CIT: variants seen among roughly 807,000 people sequenced by gnomAD.
The protein encoded by CIT is citron Rho-interacting kinase.
A neutral mutation model predicts 272.7 loss-of-function variants in CIT; 79 were observed. The observed-to-expected ratio is 0.29, with a 90% CI of 0.24 to 0.35. The LOEUF (loss-of-function observed/expected upper bound fraction) is 0.35, where lower values mean the gene tolerates loss of function less well. Ranked by LOEUF, CIT falls within the 10% of genes least tolerant of loss-of-function variation. The pLI, the probability that CIT is intolerant of heterozygous loss-of-function variation, is 1.00. For missense variants in CIT, 1,909 were observed against 2,618.3 expected, an observed-to-expected ratio of 0.73 and a Z score of 5.91; for synonymous variants, 948 against 995.6, an observed-to-expected ratio of 0.95 and a Z score of 0.90.
intron 26 of CIT, among the ~76,000 whole-genome samples, chr12:119,731,545 A>G (rs1234513501): frequency 4.6e-5 from 7 of 151,664 alleles, no homozygotes; most frequent in African/African-American, 1.7e-4. Context: ...AAATAATGCT[A>G]AAGAATAGAA....
intron 22 of CIT, among the ~76,000 whole-genome samples, chr12:119,753,749 A>C (rs1481558971): frequency 1.3e-5 from 2 of 151,740 alleles, no homozygotes; most frequent in African/African-American, 4.8e-5. Context: ...AAAAAAAAAA[A>C]GAAAAGAAAA....
intron 7 of CIT, among the ~76,000 whole-genome samples, chr12:119,828,098 T>A (rs190832288): frequency 8.5e-5 from 13 of 152,282 alleles, no homozygotes; most frequent in African/African-American, 3.1e-4. Context: ...ATAAGACTTA[T>A]CAAAGAAAGA....
chr12:119,850,169 C>T lies in CIT; in HGVS notation c.516+5G>A. The T allele has an allele frequency of 6.4e-7, 1 of 1,550,576 alleles. No individual in the cohort carries two copies. Among genetic ancestry groups the T allele is most frequent in the Non-Finnish European group, 8.9e-7 (1 of 1,122,324 alleles). ...AATTCCAGAGAGACAGATGTAAAGA[C>T]TCACCAGATAAAGGTGATTTTTGTC... On this transcript the variant is annotated splice_donor_5th_base_variant and intron_variant, in intron 5 of 47. Transcript: ENST00000392521.
chr12:119,847,866 G>A (rs1196614778), intron 5 of CIT, among the ~76,000 whole-genome samples: 1 of 152,154 alleles, frequency 6.6e-6, no homozygotes, highest in Non-Finnish European at 1.5e-5. Flanking sequence ...ACTCCAGCCT[G>A]GGTAACACTA....
At chr12:119,706,810 G>A (rs760572739) in intron 40 of CIT, among the ~76,000 whole-genome samples, 2 of 152,142 alleles carry the variant, frequency 1.3e-5, no homozygotes, top group Non-Finnish European at 2.9e-5. Context: ...CCCAGTAATG[G>A]GATTGCTGGG....
intron 3 of CIT, among the ~76,000 whole-genome samples, chr12:119,866,621 C>T (rs1950523174): frequency 6.6e-6 from 1 of 151,946 alleles, no homozygotes; most frequent in Non-Finnish European, 1.5e-5. Context: ...GAGTTCAAGA[C>T]CAGCCTAGGC....
intron 9 of CIT, among the ~76,000 whole-genome samples, chr12:119,806,980 A>C (rs1472847438): frequency 6.6e-6 from 1 of 152,232 alleles, no homozygotes; most frequent in Non-Finnish European, 1.5e-5. Context: ...AGAGAAACTT[A>C]GTGAACTAGC....
Position 119,710,173 on chromosome 12 carries a change from T to A in CIT, c.5071+78A>T. ...CGGCTCCTCTCTACTATTTTGTGTT[T>A]TACGAGCATGAAACGTGGCTTCAAC... On this transcript the variant is annotated intron_variant, in intron 39 of 47. Coordinates refer to ENST00000392521, the MANE Select transcript of CIT (RefSeq NM_001206999.2). This position sits in a 1 kb window ranked among gnomAD's most constrained non-coding sequence, Gnocchi z 5.6. 6.6e-7 allele frequency: 1 copy of A among 1,516,212 alleles called. No individual in the cohort carries two copies. The highest frequency in any genetic ancestry group is 1.9e-5 in the Admixed American group (1 of 51,528). 93.9% of individuals were successfully genotyped at this position (1,516,212 alleles called of 1,614,324 possible).
At chr12:119,874,981 T>C (rs554739581) in intron 2 of CIT, among the ~76,000 whole-genome samples, 1 of 152,308 alleles carries the variant, frequency 6.6e-6, no homozygotes, top group South Asian at 2.1e-4. Flanking sequence ...AAAGCATCTT[T>C]GTTCATTTAT....
chr12:119,698,051 T>A lies in CIT; in HGVS notation c.5627A>T (p.Tyr1876Phe), dbSNP rs762315082. 6.2e-7 allele frequency: 1 copy of A among 1,614,108 alleles called. No individual in the cohort carries two copies. Among genetic ancestry groups the A allele is most frequent in the East Asian group, 2.2e-5 (1 of 44,886 alleles). The change falls in exon 45 of 48, where the codon TAC (tyrosine) becomes TTC (phenylalanine). Residue 1876 changes from tyrosine (Y) to phenylalanine (F), a missense_variant. Transcript: ENST00000392521. ...GGTCACAAACAGATAGGGTTCTCTG[T>A]AGGCTGTGTGATCACCATGCAGGCA... The part of the protein sequence containing the change: ...KWSRLPLAFA[Y>F]REPYLFVTHF...
chr12:119,776,897 C>G (rs1471999972), intron 13 of CIT, 55 bp from the exon 14 acceptor site: 62 of 1,569,078 alleles, frequency 4.0e-5, no homozygotes, highest in Non-Finnish European at 5.3e-5. Flanking sequence ...AAAGAATAGA[C>G]AGGCAGTGAG....
intron 40 of CIT, among the ~76,000 whole-genome samples, chr12:119,705,561 C>A (rs1016589906): frequency 1.3e-5 from 2 of 152,042 alleles, no homozygotes; most frequent in African/African-American, 4.8e-5. Flanking sequence ...ATGTTCCATA[C>A]ATTTTTTGAA....
intron 5 of CIT, among the ~76,000 whole-genome samples, chr12:119,838,365 G>A (rs148105985): frequency 2.0e-3 from 309 of 152,218 alleles, no homozygotes; most frequent in African/African-American, 6.9e-3. Flanking sequence ...GAGCCACTGC[G>A]CCCGGCAAGA....
At chr12:119,704,921 C>G (rs553332422) in intron 40 of CIT, among the ~76,000 whole-genome samples, 3 of 152,262 alleles carry the variant, frequency 2.0e-5, no homozygotes, top group African/African-American at 7.2e-5. Flanking sequence ...GAGAAAATTT[C>G]TTTTCTTCTG....
intron 29 of CIT, among the ~76,000 whole-genome samples, chr12:119,720,797 G>C (rs1231375634): frequency 6.6e-6 from 1 of 152,078 alleles, no homozygotes; most frequent in South Asian, 2.1e-4. Context: ...AGTAAAAATA[G>C]CAACAGGTTC....
At chr12:119,874,886 A>C (rs1352055158) in intron 2 of CIT, among the ~76,000 whole-genome samples, 11 of 127,538 alleles carry the variant, frequency 8.6e-5, no homozygotes, top group Non-Finnish European at 1.6e-4. Context: ...ACTCTGTCTC[A>C]AAAAAAAAAA....
At chr12:119,767,615 G>T (rs772968412) in intron 18 of CIT, among the ~76,000 whole-genome samples, 6 of 152,110 alleles carry the variant, frequency 3.9e-5, no homozygotes, top group Non-Finnish European at 8.8e-5. Context: ...CTCATTAACA[G>T]AATTATTGCT....
At chr12:119,793,619 C>T (rs908352927) in intron 10 of CIT, among the ~76,000 whole-genome samples, 2 of 152,220 alleles carry the variant, frequency 1.3e-5, no homozygotes, top group Non-Finnish European at 2.9e-5. Flanking sequence ...CCCAAACATG[C>T]CTTCTGTTCA....
In CIT at chr12:119,701,604, T is replaced by C. The variant is rs768569538; in HGVS notation, c.5542+20A>G. ...TGTCCATGAGGACCCAAAAGGGCAGTGGGCGCAGCCACGACTCACCGTGGA... is the reference window on the plus strand; with the variant it reads ...TGTCCATGAGGACCCAAAAGGGCAGCGGGCGCAGCCACGACTCACCGTGGA... On this transcript the variant is annotated intron_variant, in intron 43 of 47. Transcript: ENST00000392521. The C allele has an allele frequency of 3.7e-6, 6 of 1,610,720 alleles. No individual in the cohort carries two copies. The highest frequency in any genetic ancestry group is 5.1e-6 in the Non-Finnish European group (6 of 1,178,506).
Sources: gnomAD v4.1 joint callset for allele counts (sites outside exome capture counted in the v4.1 genomes callset) on GRCh38, gnomAD v4.1.1 for gene constraint, Gnocchi (gnomAD v3.1) non-coding constraint, MANE v1.5 for transcripts, NCBI Gene and HGNC (gene_info 2026-07-23, HGNC 2026-07-21) for gene names.